The following KSR2 variants were observed in gnomAD, a reference collection of about 807,000 sequenced individuals.
The protein encoded by KSR2 is kinase suppressor of ras 2.
Under a neutral mutation model 107.8 loss-of-function variants are expected in KSR2, and 25 were observed. That is an observed-to-expected ratio of 0.23 (90% CI 0.17 to 0.32). KSR2 has a LOEUF of 0.32. Ranked by LOEUF, KSR2 falls within the 10% of genes least tolerant of loss-of-function variation. KSR2 has a pLI of 1.00. For synonymous variants in KSR2, 480 were observed against 507.0 expected (o/e 0.95, Z 0.71); for missense variants, 887 against 1,268.9 (o/e 0.70, Z 4.57).
intron 3 of KSR2, among the ~76,000 whole-genome samples, chr12:117,771,688 G>A (rs765069860): frequency 5.9e-5 from 9 of 152,106 alleles, no homozygotes; most frequent in Admixed American, 1.3e-4. Context: ...TGAAGAAACT[G>A]TAATGTTATC....
chr12:117,736,334 C>T (rs998599225), intron 4 of KSR2, among the ~76,000 whole-genome samples: 1 of 152,186 alleles, frequency 6.6e-6, no homozygotes. Context: ...ACTTCATAAA[C>T]TGACTGGAGG....
At chr12:117,891,981 C>CCCTGTCTCACA (rs1894358853) in intron 1 of KSR2, among the ~76,000 whole-genome samples, 1 of 150,116 alleles carries the variant, frequency 6.7e-6, no homozygotes, top group Non-Finnish European at 1.5e-5. Context: ...GCCTGGGTAA[C>CCCTGTCTCACA]AGAGTGAGAC....
At chr12:117,815,640 G>C (rs761721411) in intron 3 of KSR2, among the ~76,000 whole-genome samples, 7 of 152,114 alleles carry the variant, frequency 4.6e-5, no homozygotes, top group Non-Finnish European at 1.0e-4. Context: ...TGAAAAAAAA[G>C]TAAGTACTAT....
At chr12:117,959,491 A>G (rs940909551) in intron 1 of KSR2, among the ~76,000 whole-genome samples, 1 of 152,324 alleles carries the variant, frequency 6.6e-6, no homozygotes, top group Admixed American at 6.5e-5. Flanking sequence ...TCAAAAGCAC[A>G]GTCATTGAGG....
rs117419617 is a variant in KSR2 at position 117,560,484 on chromosome 12, C to T, written c.1326-1911G>A. On this transcript the variant is annotated intron_variant, in intron 7 of 19. Coordinates refer to ENST00000339824, the MANE Select transcript of KSR2 (RefSeq NM_173598.6). ...ATCACAGGGTGAGACGTAAGCCCCT[C>T]TCCAATTCTCTTTCAATCTGATGGC... Among the ~76,000 whole-genome samples the T allele has an allele frequency of 6.6e-4, 100 of 152,230 alleles. 1 individual carries two copies. The East Asian group carries it at 0.018, about 27-fold the overall frequency.
intron 3 of KSR2, among the ~76,000 whole-genome samples, chr12:117,789,988 G>A (rs183150435): frequency 1.6e-4 from 24 of 152,274 alleles, no homozygotes; most frequent in Non-Finnish European, 2.5e-4. Flanking sequence ...AGGAAGACAC[G>A]CTGGACCCTA....
chr12:117,541,703 C>T (rs1858820313), intron 9 of KSR2, among the ~76,000 whole-genome samples: 2 of 151,954 alleles, frequency 1.3e-5, no homozygotes, highest in African/African-American at 2.4e-5. Flanking sequence ...GTGTGGCGAA[C>T]ACCCAATAGC....
chr12:117,782,462 G>T (rs1311454201), intron 3 of KSR2, among the ~76,000 whole-genome samples: 1 of 152,150 alleles, frequency 6.6e-6, no homozygotes, highest in African/African-American at 2.4e-5. Context: ...ACAGGGTTTT[G>T]CCATGTTGCT....
chr12:117,916,752 A>G (rs1308242808), intron 1 of KSR2, among the ~76,000 whole-genome samples: 2 of 152,204 alleles, frequency 1.3e-5, no homozygotes, highest in Non-Finnish European at 2.9e-5. Flanking sequence ...AGGCTCACCA[A>G]AGACAAAATA....
intron 5 of KSR2, among the ~76,000 whole-genome samples, chr12:117,615,827 A>G (rs1257673190): frequency 6.6e-6 from 1 of 152,200 alleles, no homozygotes; most frequent in Admixed American, 6.5e-5. Context: ...ATAAATGTGT[A>G]TTGCTTGTTA....
chr12:117,688,629 G>T (rs1885683465), intron 4 of KSR2, among the ~76,000 whole-genome samples: 1 of 152,184 alleles, frequency 6.6e-6, no homozygotes, highest in Non-Finnish European at 1.5e-5. Flanking sequence ...GCTAGTGTCT[G>T]CTCAGGCCCT....
intron 4 of KSR2, among the ~76,000 whole-genome samples, chr12:117,677,030 T>C (rs892765881): frequency 6.6e-6 from 1 of 152,028 alleles, no homozygotes; most frequent in African/African-American, 2.4e-5. Flanking sequence ...CGGGATAAGG[T>C]GATGATGCCA....
At chr12:117,885,447 G>C (rs548554595) in intron 1 of KSR2, among the ~76,000 whole-genome samples, 6 of 152,212 alleles carry the variant, frequency 3.9e-5, no homozygotes, top group Admixed American at 2.0e-4. Flanking sequence ...AGATGAATCA[G>C]GTCTAGCTGA....
chr12:117,727,514 A>G (rs756412601), intron 4 of KSR2, among the ~76,000 whole-genome samples: 12 of 151,466 alleles, frequency 7.9e-5, no homozygotes, highest in Admixed American at 7.2e-4. Context: ...ACAAGAGGAG[A>G]AGGAGGAGGA....
chr12:117,910,406 G>A (rs920713539), intron 1 of KSR2, among the ~76,000 whole-genome samples: 2 of 152,102 alleles, frequency 1.3e-5, no homozygotes, highest in African/African-American at 4.8e-5. Context: ...GTTCCAATCA[G>A]GTATGAAAAG....
At chr12:117,508,436 G>A (rs1873831407) in intron 14 of KSR2, among the ~76,000 whole-genome samples, 1 of 152,346 alleles carries the variant, frequency 6.6e-6, no homozygotes, top group African/African-American at 2.4e-5. Flanking sequence ...ACAGCTAGGT[G>A]GCTAGAGTAA....
At chr12:117,893,249 C>A (rs1267551349) in intron 1 of KSR2, among the ~76,000 whole-genome samples, 1 of 152,066 alleles carries the variant, frequency 6.6e-6, no homozygotes, top group Non-Finnish European at 1.5e-5. Context: ...AACTCCTGGG[C>A]TCAAGCTATC....
At chr12:117,502,164 T>C (rs1196532960) in intron 14 of KSR2, among the ~76,000 whole-genome samples, 3 of 152,206 alleles carry the variant, frequency 2.0e-5, no homozygotes, top group Non-Finnish European at 4.4e-5. Context: ...CGTCTGTGAC[T>C]ATTTATGCAC....
Position 117,707,303 on chromosome 12 carries a change from A to C in KSR2, c.987-39645T>G, listed in dbSNP as rs1444583478. Among the ~76,000 whole-genome samples, 5 of 152,130 alleles carry C rather than the reference A, an allele frequency of 3.3e-5. No individual in the cohort carries two copies. In the East Asian group the frequency reaches 9.6e-4, roughly 29 times the overall value. On this transcript the variant is annotated intron_variant, in intron 4 of 19. Coordinates refer to ENST00000339824, the MANE Select transcript of KSR2 (RefSeq NM_173598.6). Reference sequence around the variant, plus strand: ...TTTGAGGTTTCTTTTCGGGGTGATAAAATGTTTTAAAATGGATTGTGGTGA... The same window carrying C: ...TTTGAGGTTTCTTTTCGGGGTGATACAATGTTTTAAAATGGATTGTGGTGA...
Sources: allele counts gnomAD v4.1 joint callset (sites outside exome capture counted in the v4.1 genomes callset), GRCh38; gene constraint gnomAD v4.1.1; transcripts MANE v1.5; gene names NCBI Gene and HGNC (gene_info 2026-07-23, HGNC 2026-07-21).